Variants in MARCHF1 observed in about 807,000 individuals in gnomAD.
MARCHF1 encodes the protein membrane associated ring-CH-type finger 1, also known as E3 ubiquitin-protein ligase MARCHF1.
MARCHF1 carries 40 observed loss-of-function variants against 54.2 expected under a neutral mutation model. The ratio of observed to expected loss-of-function variants is 0.74; its 90% CI spans 0.57 to 0.96. The LOEUF (loss-of-function observed/expected upper bound fraction) is 0.96. Ranked by LOEUF, MARCHF1 falls within the 40% of genes least tolerant of loss-of-function variation. MARCHF1 has a pLI of 0.00. For missense variants in MARCHF1, 586 were observed against 656.5 expected, an observed-to-expected ratio of 0.89 and a Z score of 1.17; for synonymous variants, 236 against 236.3, an observed-to-expected ratio of 1.00 and a Z score of 0.01.
intron 7 of MARCHF1, among the ~76,000 whole-genome samples, chr4:163,601,584 G>A (rs1179149696): frequency 6.6e-6 from 1 of 151,706 alleles, no homozygotes; most frequent in Non-Finnish European, 1.5e-5. Flanking sequence ...CTATATGATT[G>A]GATATTCAAC....
chr4:164,258,448 T>C (rs960281916), intron 1 of MARCHF1, among the ~76,000 whole-genome samples: 1 of 149,114 alleles, frequency 6.7e-6, no homozygotes, highest in Admixed American at 6.7e-5. Context: ...AAAATCTGTG[T>C]CCTAGTTTCT....
intron 4 of MARCHF1, among the ~76,000 whole-genome samples, chr4:163,807,405 G>A (rs942211254): frequency 3.3e-5 from 5 of 152,034 alleles, no homozygotes; most frequent in African/African-American, 1.2e-4. Flanking sequence ...TACTTTTTCC[G>A]AAGAGGCTTT....
At chr4:164,128,527 T>C (rs1472164851) in intron 1 of MARCHF1, among the ~76,000 whole-genome samples, 1 of 105,854 alleles carries the variant, frequency 9.4e-6, no homozygotes, top group African/African-American at 3.1e-5. Context: ...GAAATGATGC[T>C]CATGAACTCA....
chr4:163,733,222 CACGT>C (rs1561047050), intron 4 of MARCHF1, among the ~76,000 whole-genome samples: 728 of 13,076 alleles, frequency 0.056, 108 homozygotes, highest in African/African-American at 0.1. Flanking sequence ...TATATATATA[CACGT>C]GTATATATAT....
chr4:164,098,192 A>G (rs1755456762), intron 2 of MARCHF1, among the ~76,000 whole-genome samples: 2 of 152,192 alleles, frequency 1.3e-5, no homozygotes, highest in African/African-American at 4.8e-5. Context: ...ATCATAAGAT[A>G]ATCATAAGGC....
intron 1 of MARCHF1, among the ~76,000 whole-genome samples, chr4:164,124,326 G>T (rs1319791836): frequency 1.3e-5 from 2 of 152,112 alleles, no homozygotes; most frequent in Non-Finnish European, 2.9e-5. Flanking sequence ...CACACTGTTG[G>T]TGGGAATGTA....
intron 2 of MARCHF1, among the ~76,000 whole-genome samples, chr4:164,046,396 A>C (rs1039035583): frequency 6.6e-6 from 1 of 152,268 alleles, no homozygotes; most frequent in Non-Finnish European, 1.5e-5. Context: ...TCTCCAATAC[A>C]TAATAGGTGC....
chr4:164,245,512 T>A (rs926285271), intron 1 of MARCHF1, among the ~76,000 whole-genome samples: 1 of 151,802 alleles, frequency 6.6e-6, no homozygotes, highest in African/African-American at 2.4e-5. Flanking sequence ...GGACAAAAAC[T>A]GGAAGCATTC....
chr4:163,971,893 G>A (rs1014869181), intron 3 of MARCHF1, among the ~76,000 whole-genome samples: 1 of 152,136 alleles, frequency 6.6e-6, no homozygotes, highest in Non-Finnish European at 1.5e-5. Flanking sequence ...GAAGCCACAT[G>A]CACATGTATG....
intron 2 of MARCHF1, among the ~76,000 whole-genome samples, chr4:164,056,973 G>T (rs1435484442): frequency 6.6e-6 from 1 of 152,086 alleles, no homozygotes; most frequent in Non-Finnish European, 1.5e-5. Flanking sequence ...CTCTGGGAAG[G>T]TTACATGGTA....
chr4:164,027,307 G>C (rs1228508278), intron 2 of MARCHF1, among the ~76,000 whole-genome samples: 1 of 132,706 alleles, frequency 7.5e-6, no homozygotes, highest in African/African-American at 2.8e-5. Flanking sequence ...AACAAAGCTG[G>C]AGGCATCACA....
chr4:164,356,780 C>CAAAAAAAAAAAAAAAAAAAAAAAA (rs58855405), intron 1 of MARCHF1, among the ~76,000 whole-genome samples: 1 of 103,264 alleles, frequency 9.7e-6, no homozygotes, highest in East Asian at 4.4e-4. Context: ...AAAAGAAAAG[C>CAAAAAAAAAAAAAAAAAAAAAAAA]AAAAAAAAAA....
chr4:164,099,082 T>C (rs1755477757), intron 2 of MARCHF1, among the ~76,000 whole-genome samples: 1 of 152,214 alleles, frequency 6.6e-6, no homozygotes, highest in African/African-American at 2.4e-5. Flanking sequence ...CAAAATGTTT[T>C]GATTCACAAT....
intron 2 of MARCHF1, among the ~76,000 whole-genome samples, chr4:164,077,367 AC>A (rs1755003012): frequency 6.6e-6 from 1 of 152,184 alleles, no homozygotes; most frequent in East Asian, 1.9e-4. Context: ...TATACCTTAT[AC>A]CAAAATTAAC....
chr4:163,933,081 T>G, intron 3 of MARCHF1: 1 of 1,473,560 alleles, frequency 6.8e-7, no homozygotes, highest in East Asian at 2.6e-5. Flanking sequence ...AGAGCTTGCC[T>G]GCACGCTGGC....
chr4:164,051,452 T>C (rs182249751), intron 2 of MARCHF1, among the ~76,000 whole-genome samples: 20 of 152,262 alleles, frequency 1.3e-4, no homozygotes, highest in African/African-American at 4.3e-4. Flanking sequence ...TAAACCAAAA[T>C]AGCAACTGTG....
intron 1 of MARCHF1, among the ~76,000 whole-genome samples, chr4:164,142,768 T>C (rs958039340): frequency 2.0e-5 from 3 of 152,076 alleles, no homozygotes; most frequent in Non-Finnish European, 2.9e-5. Flanking sequence ...AGAGCAACTC[T>C]CCTCCTCCAA....
At chr4:163,984,440 C>T (rs755553947) in intron 3 of MARCHF1, among the ~76,000 whole-genome samples, 15 of 152,158 alleles carry the variant, frequency 9.9e-5, no homozygotes. Context: ...AAGTCCCTCC[C>T]ATCATCTAAG....
At chr4:163,953,324 G>T (rs914148052) in intron 3 of MARCHF1, among the ~76,000 whole-genome samples, 2 of 152,086 alleles carry the variant, frequency 1.3e-5, no homozygotes, top group Non-Finnish European at 2.9e-5. Context: ...CCACTTTCTT[G>T]CTGTATGACT....
Sources: gnomAD v4.1 joint callset for allele counts (sites outside exome capture counted in the v4.1 genomes callset) on GRCh38, gnomAD v4.1.1 for gene constraint, MANE v1.5 for transcripts, NCBI Gene and HGNC (gene_info 2026-07-23, HGNC 2026-07-21) for gene names.